SYNE2: variants seen among roughly 807,000 people sequenced by gnomAD.
The protein encoded by SYNE2 is nesprin-2.
In SYNE2, 431 loss-of-function variants were observed where a neutral mutation model predicts 856.3. The observed-to-expected ratio is 0.50, with a 90% confidence interval of 0.47 to 0.55. SYNE2 has a LOEUF of 0.55. Ranked by LOEUF, SYNE2 falls within the 20% of genes least tolerant of loss-of-function variation. The pLI, the probability that SYNE2 is intolerant of heterozygous loss-of-function variation, is 0.00. For missense variants in SYNE2, 8,129 were observed against 8,023.2 expected (o/e 1.01, Z -0.50); for synonymous variants, 2,923 against 2,872.3 (o/e 1.02, Z -0.56).
intron 2 of SYNE2, among the ~76,000 whole-genome samples, chr14:63,911,367 T>G (rs3818773): frequency 0.41 from 62,529 of 152,048 alleles, 14,929 homozygotes; most frequent in South Asian, 0.55. Context: ...AGTATCTCTT[T>G]GAGCACTTGG....
chr14:64,099,137 G>T, intron 63 of SYNE2: 1 of 362,850 alleles, frequency 2.8e-6, no homozygotes, highest in Admixed American at 4.0e-5. Context: ...GGCACTCCTG[G>T]TCTCATTTTT....
intron 21 of SYNE2, among the ~76,000 whole-genome samples, chr14:63,992,008 A>T (rs150921754): frequency 2.2e-4 from 34 of 152,110 alleles, no homozygotes; most frequent in African/African-American, 7.5e-4. Context: ...CCCTGTTGTC[A>T]GTCATTTCAG....
At chr14:63,822,929 C>T (rs1460301359) in intron 1 of SYNE2, among the ~76,000 whole-genome samples, 1 of 151,928 alleles carries the variant, frequency 6.6e-6, no homozygotes, top group Non-Finnish European at 1.5e-5. Flanking sequence ...CATAGTGAGA[C>T]CCCATCTCTA....
At chr14:63,941,294 CTG>C (rs2095911786) in intron 3 of SYNE2, among the ~76,000 whole-genome samples, 1 of 152,202 alleles carries the variant, frequency 6.6e-6, no homozygotes, top group Admixed American at 6.5e-5. Context: ...AGACCACACA[CTG>C]TTTTTTTCTC....
rs559881742 is a variant in SYNE2 at position 63,816,263 on chromosome 14, C to G, written c.-304-36238C>G. ...TGCCTGGCCTAAATTATTATTATTACCATATAGAGGCCTAATTTTGGTGGG... is the reference window on the plus strand; with the variant it reads ...TGCCTGGCCTAAATTATTATTATTAGCATATAGAGGCCTAATTTTGGTGGG... On this transcript the variant is annotated intron_variant, in intron 1 of 23. Coordinates refer to the SYNE2 transcript ENST00000674003. Among the ~76,000 whole-genome samples the G allele has an allele frequency of 2.4e-4, 37 of 152,020 alleles. 2 individuals carry two copies. The South Asian group carries it at 7.7e-3, about 32-fold the overall frequency.
rs953726616 is a variant in SYNE2, at chr14:64,026,494, A to G, written c.6253-85A>G. 6.6e-6 allele frequency: 7 copies of G among 1,065,234 alleles called. No individual in the cohort carries two copies. The Admixed American group carries it at 1.2e-4, about 18-fold the overall frequency. 66.0% of individuals were successfully genotyped at this position (1,065,234 alleles called of 1,614,324 possible). A position where few individuals can be genotyped will look rare whatever the true frequency, so the allele number is the denominator to read the frequency against. Reference sequence around the variant, plus strand: ...AATATACCCTACAGATAGAATCTCTATATAAAGCTTACAAATAAAGAGATA... The same window carrying G: ...AATATACCCTACAGATAGAATCTCTGTATAAAGCTTACAAATAAAGAGATA... On this transcript the variant is annotated intron_variant, in intron 41 of 115. Transcript: ENST00000555002.
intron 78 of SYNE2, 100 bp downstream of exon 78, chr14:64,134,300 A>T: frequency 7.9e-7 from 1 of 1,259,506 alleles, no homozygotes; most frequent in South Asian, 1.2e-5. Context: ...TTTGAATTGA[A>T]ACAAAATGTT....
At chr14:64,093,001 A>T (rs1363893646) in intron 60 of SYNE2, among the ~76,000 whole-genome samples, 3 of 142,776 alleles carry the variant, frequency 2.1e-5, no homozygotes, top group Non-Finnish European at 4.4e-5. Flanking sequence ...GGTGTATGTG[A>T]CTTGTCAGTA....
chr14:64,210,183 C>T (rs1363700685), intron 103 of SYNE2, 59 bp downstream of exon 103: 29 of 1,574,180 alleles, frequency 1.8e-5, no homozygotes, highest in Non-Finnish European at 1.5e-5. Flanking sequence ...ACGCACGATA[C>T]GCAATGGCAG....
At chr14:63,941,216 C>T (rs1426858349) in intron 3 of SYNE2, among the ~76,000 whole-genome samples, 1 of 152,142 alleles carries the variant, frequency 6.6e-6, no homozygotes, top group Non-Finnish European at 1.5e-5. Flanking sequence ...AATCACTGTG[C>T]CATCCTACCA....
intron 66 of SYNE2, among the ~76,000 whole-genome samples, chr14:64,117,575 G>T (rs570914610): frequency 6.6e-5 from 10 of 152,294 alleles, no homozygotes; most frequent in African/African-American, 1.9e-4. Context: ...GGGATTACAG[G>T]TATGAGCCAC....
intron 2 of SYNE2, among the ~76,000 whole-genome samples, chr14:63,933,229 A>G (rs1362326057): frequency 1.3e-5 from 2 of 152,214 alleles, no homozygotes; most frequent in African/African-American, 4.8e-5. Context: ...ACTGAAAGCT[A>G]GTGATTCTTA....
At chr14:64,000,446 A>G (rs2096745172) in intron 27 of SYNE2, 116 bp from the exon 28 acceptor site, 1 of 950,506 alleles carries the variant, frequency 1.1e-6, no homozygotes, top group Non-Finnish European at 1.7e-6. Flanking sequence ...AAACACATTT[A>G]CATATGAAAC....
chr14:64,219,369 T>C lies in SYNE2; in HGVS notation c.19819T>C (p.Ser6607Pro), dbSNP rs2098683505. The C allele has an allele frequency of 6.2e-7, 1 of 1,614,132 alleles. No individual in the cohort carries two copies. The highest frequency in any genetic ancestry group is 8.5e-7 in the Non-Finnish European group (1 of 1,180,038). ...LEMLKMAKPP[S>P]DIQEIELRVK... is the part of the protein sequence containing the mutation. ...AATGTTAAAGATGGCAAAGCCTCCC[T>C]CTGATATCCAGGAAATAGAACTGAG... is the stretch of plus-strand genomic sequence containing the variant. The change falls in exon 110 of 116, where the codon TCT becomes CCT. Residue 6607 changes from serine (S) to proline (P), a missense_variant. Physicochemically the swap from Ser to Pro is moderately conservative, Grantham distance 74. Coordinates refer to ENST00000555002, the MANE Select transcript of SYNE2 (RefSeq NM_182914.3).
intron 85 of SYNE2, among the ~76,000 whole-genome samples, chr14:64,154,193 A>G (rs1257350392): frequency 1.3e-5 from 2 of 151,330 alleles, no homozygotes; most frequent in South Asian, 2.1e-4. Context: ...AGACACAAGT[A>G]TTAGAGCTAA....
chr14:64,140,307 G>C (rs1198541851), intron 80 of SYNE2, among the ~76,000 whole-genome samples: 3 of 152,222 alleles, frequency 2.0e-5, no homozygotes, highest in Admixed American at 2.0e-4. Context: ...ACTTGCGCCA[G>C]GTGCAGTGGC....
At position 64,024,987 on chromosome 14, in the gene SYNE2, A is replaced by C. The variant is rs2096966483; in HGVS notation, c.5916A>C (p.Pro1972=). The change falls in exon 40 of 116, where the codon CCA becomes CCC. Residue 1972 remains proline, a synonymous_variant. Transcript: ENST00000555002. ...QEEKWKGMEE[P]GEKTELFCQA... is the part of the protein sequence containing the mutation. ...AGAAATGGAAAGGAATGGAAGAACCAGGGGAGAAAACTGAGCTGTTCTGCC... is the reference window on the plus strand; with the variant it reads ...AGAAATGGAAAGGAATGGAAGAACCCGGGGAGAAAACTGAGCTGTTCTGCC... 1 of 1,614,084 alleles carries C rather than the reference A, an allele frequency of 6.2e-7. No individual in the cohort carries two copies. The highest frequency in any genetic ancestry group is 8.5e-7 in the Non-Finnish European group (1 of 1,179,938).
chr14:63,846,186 C>A (rs1188414336), intron 1 of SYNE2, among the ~76,000 whole-genome samples: 1 of 151,726 alleles, frequency 6.6e-6, no homozygotes, highest in Non-Finnish European at 1.5e-5. Context: ...GGAGCTGGGA[C>A]CTCAGGCACG....
At chr14:64,167,136 C>A in intron 90 of SYNE2, 97 bp from the exon 91 acceptor site, 1 of 1,512,554 alleles carries the variant, frequency 6.6e-7, no homozygotes, top group Non-Finnish European at 9.1e-7. Context: ...CCTGTTCAGG[C>A]CCCAGTTTTC....
Sources: allele counts gnomAD v4.1 joint callset (sites outside exome capture counted in the v4.1 genomes callset), GRCh38; gene constraint gnomAD v4.1.1; transcripts MANE v1.5; gene names NCBI Gene and HGNC (gene_info 2026-07-23, HGNC 2026-07-21).